Variants in RGS6 observed in about 807,000 individuals in gnomAD.
RGS6 encodes the protein regulator of G protein signaling 6, also known as regulator of G-protein signaling 6.
In RGS6, 30 loss-of-function variants were observed where a neutral mutation model predicts 78.5. The observed-to-expected ratio is 0.38, with a 90% CI of 0.29 to 0.52. The LOEUF is 0.52. Ranked by LOEUF, RGS6 falls within the 20% of genes least tolerant of loss-of-function variation. The pLI is 0.85. For synonymous variants in RGS6, 206 were observed against 206.0 expected (o/e 1.00, Z 0.00); for missense variants, 495 against 609.7 (o/e 0.81, Z 1.98).
chr14:72,036,036 G>A (rs117392344), intron 2 of RGS6, among the ~76,000 whole-genome samples: 6,013 of 151,714 alleles, frequency 0.04, 162 homozygotes, highest in Middle Eastern at 0.082. Context: ...AGTCCCACCC[G>A]TAACACTAAC....
At chr14:72,313,497 G>C (rs527304405) in intron 2 of RGS6, among the ~76,000 whole-genome samples, 6 of 152,140 alleles carry the variant, frequency 3.9e-5, no homozygotes, top group African/African-American at 7.2e-5. Flanking sequence ...TCCCTGGGAG[G>C]GGGGGCTTGC....
chr14:72,517,491 G>A (rs1321861787), intron 14 of RGS6, among the ~76,000 whole-genome samples: 6 of 35,296 alleles, frequency 1.7e-4, no homozygotes, highest in South Asian at 1.9e-3. Context: ...GCTCCCATGC[G>A]GATGCTGAGG....
At chr14:72,066,127 A>AATTGG (rs1326654573) in intron 2 of RGS6, among the ~76,000 whole-genome samples, 2 of 152,144 alleles carry the variant, frequency 1.3e-5, no homozygotes, top group Non-Finnish European at 2.9e-5. Flanking sequence ...ATCTTCTATA[A>AATTGG]AATATGCCTC....
At chr14:71,988,080 A>G (rs2094797758) in intron 2 of RGS6, among the ~76,000 whole-genome samples, 1 of 152,138 alleles carries the variant, frequency 6.6e-6, no homozygotes, top group Non-Finnish European at 1.5e-5. Flanking sequence ...AAGGCACACA[A>G]GTGATAGTGT....
intron 2 of RGS6, among the ~76,000 whole-genome samples, chr14:72,179,700 C>A (rs2097150110): frequency 7.7e-6 from 1 of 129,376 alleles, no homozygotes; most frequent in Non-Finnish European, 1.6e-5. Flanking sequence ...GGGGGTTATA[C>A]TTTTAGGTTA....
intron 2 of RGS6, among the ~76,000 whole-genome samples, chr14:72,279,297 G>A (rs1228202220): frequency 1.3e-5 from 2 of 152,180 alleles, no homozygotes; most frequent in East Asian, 3.9e-4. Flanking sequence ...TCATCATGGA[G>A]CTAATTGTAG....
At chr14:72,409,315 C>T (rs989357930) in intron 3 of RGS6, among the ~76,000 whole-genome samples, 9 of 152,066 alleles carry the variant, frequency 5.9e-5, no homozygotes. Flanking sequence ...CTTTAATAGG[C>T]GGAACGTGGA....
chr14:71,928,027 T>G (rs762942111), upstream of RGS6, among the ~76,000 whole-genome samples: 1 of 152,130 alleles, frequency 6.6e-6, no homozygotes, highest in Non-Finnish European at 1.5e-5. Context: ...ATTTTGTTTA[T>G]TTTTAATTTT....
chr14:72,260,307 G>A (rs1302088078), intron 2 of RGS6, among the ~76,000 whole-genome samples: 2 of 152,238 alleles, frequency 1.3e-5, no homozygotes, highest in Non-Finnish European at 2.9e-5. Flanking sequence ...TTCCAGAAAT[G>A]TAATTTGCAA....
At chr14:71,874,699 G>C in the RGS6 span, among the ~76,000 whole-genome samples, 1 of 152,188 alleles carries the variant, frequency 6.6e-6, no homozygotes, top group Non-Finnish European at 1.5e-5. Context: ...AGTGGTGAGA[G>C]AGGGCATCCC....
At chr14:72,579,319 G>A in the RGS6 span, among the ~76,000 whole-genome samples, 2 of 152,170 alleles carry the variant, frequency 1.3e-5, no homozygotes, top group African/African-American at 4.8e-5. Flanking sequence ...ACTGTCATGT[G>A]CCACACGTAC....
the RGS6 span, among the ~76,000 whole-genome samples, chr14:71,890,494 T>C: frequency 6.6e-6 from 1 of 152,166 alleles, no homozygotes; most frequent in Non-Finnish European, 1.5e-5. Context: ...TGTCAGATGC[T>C]TTTGATGAGC....
intron 2 of RGS6, among the ~76,000 whole-genome samples, chr14:72,220,148 TA>T (rs2046522830): frequency 6.6e-6 from 1 of 152,106 alleles, no homozygotes; most frequent in South Asian, 2.1e-4. Flanking sequence ...ACAAAAAGAA[TA>T]AAATATCTAG....
downstream of RGS6, among the ~76,000 whole-genome samples, chr14:72,569,349 G>A (rs117256408): frequency 0.045 from 6,882 of 152,098 alleles, 218 homozygotes; most frequent in East Asian, 0.13. Flanking sequence ...GAAGCTGCTG[G>A]TTTGTTTTCT....
chr14:72,580,660 G>T, the RGS6 span, among the ~76,000 whole-genome samples: 4 of 152,368 alleles, frequency 2.6e-5, no homozygotes, highest in South Asian at 8.3e-4. Flanking sequence ...TTAGCCAAAT[G>T]CAGGTGGAGA....
chr14:72,130,944 C>G (rs1257919360), intron 2 of RGS6, among the ~76,000 whole-genome samples: 6 of 152,192 alleles, frequency 3.9e-5, no homozygotes, highest in Non-Finnish European at 5.9e-5. Context: ...ACTGTTTCCC[C>G]TTGTGACTCC....
At chr14:72,247,417 A>T (rs2054506440) in intron 2 of RGS6, among the ~76,000 whole-genome samples, 1 of 152,208 alleles carries the variant, frequency 6.6e-6, no homozygotes, top group African/African-American at 2.4e-5. Context: ...ACTTTATGTG[A>T]TCATTTAAAA....
At chr14:72,285,291 C>T (rs1222390747) in intron 2 of RGS6, among the ~76,000 whole-genome samples, 1 of 152,104 alleles carries the variant, frequency 6.6e-6, no homozygotes, top group Non-Finnish European at 1.5e-5. Context: ...TGAATTGTAG[C>T]TCCCGTAGTT....
intron 3 of RGS6, among the ~76,000 whole-genome samples, chr14:72,433,716 G>C (rs950193656): frequency 6.6e-5 from 10 of 152,000 alleles, no homozygotes; most frequent in African/African-American, 2.4e-4. Context: ...GACTCACCCT[G>C]AGTCCAGAGC....
Sources: gnomAD v4.1 joint callset for allele counts (sites outside exome capture counted in the v4.1 genomes callset) on GRCh38, gnomAD v4.1.1 for gene constraint, MANE v1.5 for transcripts, NCBI Gene and HGNC (gene_info 2026-07-23, HGNC 2026-07-21) for gene names.